The following TMED8 variants were observed in gnomAD, a reference collection of about 807,000 sequenced individuals.
The protein encoded by TMED8 is transmembrane p24 trafficking protein family member 8, also known as protein TMED8.
A neutral mutation model predicts 32.7 loss-of-function variants in TMED8; 15 were observed. The observed-to-expected ratio is 0.46, with a 90% CI of 0.31 to 0.71. The LOEUF (loss-of-function observed/expected upper bound fraction) is 0.71, where lower values mean the gene tolerates loss of function less well. TMED8 is among the 30% of genes least tolerant of loss of function. TMED8 has a pLI of 0.06. For missense variants in TMED8, 390 were observed against 423.9 expected (o/e 0.92, Z 0.70); for synonymous variants, 147 against 161.4 (o/e 0.91, Z 0.68).
At position 77,343,204 on chromosome 14, in the gene TMED8, T is replaced by C. The variant is rs1205541959; in HGVS notation, c.734A>G (p.Glu245Gly). The stretch of plus-strand genomic sequence containing the variant: ...TTCAATCTCTTCCTCCTCTTCCTCT[T>C]CTTCATCCTCATCGTCACTGGAATC... ...VSDSSDDEDE[E>G]EEEEEEIEEP... The change falls in exon 5 of 6, where the codon GAA becomes GGA. Residue 245 changes from glutamate to glycine, a missense_variant. Transcript: ENST00000216468. 1 of 1,614,126 alleles carries C rather than the reference T, an allele frequency of 6.2e-7. No individual in the cohort carries two copies. Among genetic ancestry groups the C allele is most frequent in the East Asian group, 2.2e-5 (1 of 44,880 alleles).
chr14:77,367,240 T>TA (rs56707120), intron 1 of TMED8, among the ~76,000 whole-genome samples: 2,935 of 24,870 alleles, frequency 0.12, 324 homozygotes, highest in Non-Finnish European at 0.16. Context: ...AGACTCTGTC[T>TA]AAAAAAAAAA....
intron 2 of TMED8, among the ~76,000 whole-genome samples, chr14:77,346,760 G>GTTTTTTTTTTTTTTTTTTTTTTTTTTT: frequency 2.9e-5 from 2 of 69,442 alleles, no homozygotes; most frequent in Non-Finnish European, 5.3e-5. Context: ...TGCTGGTCTG[G>GTTTTTTTTTTTTTTTTTTTTTTTTTTT]TTTTTTTTTT....
chr14:77,343,185 C>G lies in TMED8; in HGVS notation c.753G>C (p.Glu251Asp). Residue 251 changes from glutamate (E) to aspartate (D), a missense_variant, in exon 5 of 6, where the codon GAG (glutamate) becomes GAC (aspartate). Glu to Asp is a conservative substitution (Grantham distance 45). Coordinates refer to ENST00000216468, the MANE Select transcript of TMED8 (RefSeq NM_213601.3). ...GGTTAAAATTAAATTTACCTTCAAT[C>G]TCTTCCTCCTCTTCCTCTTCTTCAT... ...DEDEEEEEEEEIEEPVPAGDV... is the reference protein window; with the variant it reads ...DEDEEEEEEEDIEEPVPAGDV... 1.2e-6 allele frequency: 2 copies of G among 1,612,210 alleles called. No homozygotes were observed. Among genetic ancestry groups the G allele is most frequent in the Non-Finnish European group, 1.7e-6 (2 of 1,178,488 alleles).
rs369675632 is a variant in TMED8, at chr14:77,370,704, G to GT, written c.118+6231dup. On this transcript the variant is annotated intron_variant, in intron 1 of 5. Transcript: ENST00000216468. ...AAAGCAATCAATGTTATTTGGTTTT[G>GT]TGTAGTCTTCCAAAGATGTTTTATG... is the stretch of plus-strand genomic sequence containing the variant. 3.2e-3 allele frequency among the ~76,000 whole-genome samples: 479 copies of GT among 151,888 alleles called. 4 individuals carry two copies. The highest frequency in any genetic ancestry group is 0.011 in the African/African-American group (453 of 41,442).
At chr14:77,350,778 T>C (rs1350475711) in intron 2 of TMED8, among the ~76,000 whole-genome samples, 2 of 152,178 alleles carry the variant, frequency 1.3e-5, no homozygotes, top group African/African-American at 4.8e-5. Flanking sequence ...CCTACCGTGC[T>C]CCAGCCTGGG....
In TMED8 at chr14:77,376,866, A is replaced by C. The variant is rs1566698281; in HGVS notation, c.118+70T>G. Reference sequence around the variant, plus strand: ...GGAAGCCCAGGACAGAGCGCGGCGGAGGCTCGCGCCGTGGTGCGGGGCCCT... The same window carrying C: ...GGAAGCCCAGGACAGAGCGCGGCGGCGGCTCGCGCCGTGGTGCGGGGCCCT... On this transcript the variant is annotated intron_variant, in intron 1 of 5. Coordinates refer to ENST00000216468, the MANE Select transcript of TMED8 (RefSeq NM_213601.3). The surrounding 1 kb of genome is among the most constrained non-coding windows in gnomAD (Gnocchi z 4.0). The C allele has an allele frequency of 2.0e-6, 2 of 1,006,606 alleles. No individual in the cohort carries two copies. The highest frequency in any genetic ancestry group is 1.3e-6 in the Non-Finnish European group (1 of 752,734). 62.4% of individuals were successfully genotyped at this position (1,006,606 alleles called of 1,614,324 possible).
intron 2 of TMED8, among the ~76,000 whole-genome samples, chr14:77,348,370 C>T (rs1319351014): frequency 6.6e-6 from 1 of 151,920 alleles, no homozygotes; most frequent in African/African-American, 2.4e-5. Context: ...CTACAGGCGC[C>T]GGCCACCACA....
rs1025461061 is a variant in TMED8 at position 77,338,180 on chromosome 14, C to T, written c.*3591G>A. On this transcript the variant is annotated 3_prime_UTR_variant, in exon 6 of 6. Coordinates refer to ENST00000216468, the MANE Select transcript of TMED8 (RefSeq NM_213601.3). ...TGGCAATAAAATACCAAATCCCAAC[C>T]TGACTCTGGTATAGCATCACATGAC... is the stretch of plus-strand genomic sequence containing the variant. 5 of 152,158 alleles carry T rather than the reference C, an allele frequency of 3.3e-5. No individual in the cohort carries two copies. The highest frequency in any genetic ancestry group is 9.7e-5 in the African/African-American group (4 of 41,418). The allele number at this position is 152,158 out of a possible 1,614,324, so 9.4% of individuals were successfully genotyped here.
Position 77,343,417 on chromosome 14 carries a change from T to G in TMED8, c.521A>C (p.Lys174Thr). 2 of 1,614,006 alleles carry G rather than the reference T, an allele frequency of 1.2e-6. No homozygotes were observed. Among genetic ancestry groups the G allele is most frequent in the Non-Finnish European group, 1.7e-6 (2 of 1,179,930 alleles). ...ACGGCTGTTCTTCTCTTTGCCCAGC[T>G]TGCTTTTGAATTCCTTCACCTTGGC... ...TFAKVKEFKS[K>T]LGKEKNSRLV... The change falls in exon 5 of 6, where the codon AAG becomes ACG. Residue 174 changes from lysine to threonine, a missense_variant. Transcript: ENST00000216468.
At chr14:77,365,886 G>A (rs970859328) in intron 1 of TMED8, among the ~76,000 whole-genome samples, 6 of 152,088 alleles carry the variant, frequency 3.9e-5, no homozygotes, top group Admixed American at 3.9e-4. Flanking sequence ...TGGATTTTAC[G>A]AGATCAGATA....
chr14:77,367,143 G>A (rs1893568444), intron 1 of TMED8, among the ~76,000 whole-genome samples: 1 of 150,846 alleles, frequency 6.6e-6, no homozygotes, highest in Non-Finnish European at 1.5e-5. Flanking sequence ...TTGGGAGGCT[G>A]GGGCAGGAGA....
At chr14:77,348,143 G>A (rs1233709657) in intron 2 of TMED8, among the ~76,000 whole-genome samples, 1 of 151,962 alleles carries the variant, frequency 6.6e-6, no homozygotes, top group East Asian at 1.9e-4. Flanking sequence ...TTGTTTTTAA[G>A]TAAAAACATG....
chr14:77,374,498 G>A (rs1240523570), intron 1 of TMED8, among the ~76,000 whole-genome samples: 1 of 152,190 alleles, frequency 6.6e-6, no homozygotes, highest in Non-Finnish European at 1.5e-5. Flanking sequence ...GTTGTGACGA[G>A]CAAAAATGTT....
At chr14:77,344,176 C>T (rs55891221) in intron 3 of TMED8, among the ~76,000 whole-genome samples, 2,716 of 152,306 alleles carry the variant, frequency 0.018, 44 homozygotes, top group Middle Eastern at 0.078. Flanking sequence ...CTCACCTGCA[C>T]AGTACCTCCC....
At position 77,343,709 on chromosome 14, in the gene TMED8, C is replaced by T; in HGVS notation, c.442G>A (p.Asp148Asn). ...ADLESADLLG[D>N]HRKVSPPLMA... ...CCAAAGGTCTCACCTTTCCTGTGGT[C>T]CCCCAGAAGATCTGCAGATTCCAAA... The change falls in exon 4 of 6, where the codon GAC becomes AAC. Residue 148 changes from aspartate (D) to asparagine (N), a missense_variant. Transcript: ENST00000216468. The T allele has an allele frequency of 1.4e-5, 23 of 1,614,164 alleles. No individual in the cohort carries two copies. The highest frequency in any genetic ancestry group is 1.9e-5 in the Non-Finnish European group (22 of 1,180,040).
chr14:77,364,858 C>T (rs1164114011), intron 1 of TMED8, among the ~76,000 whole-genome samples: 1 of 152,158 alleles, frequency 6.6e-6, no homozygotes, highest in Non-Finnish European at 1.5e-5. Context: ...ACCATTTCCC[C>T]ACATTCTCAC....
chr14:77,353,785 T>C (rs1445805530), intron 1 of TMED8, among the ~76,000 whole-genome samples: 1 of 152,054 alleles, frequency 6.6e-6, no homozygotes, highest in Non-Finnish European at 1.5e-5. Context: ...TTTGGGTCAA[T>C]TCAGTCTCAC....
chr14:77,359,233 A>G (rs1420000667), intron 1 of TMED8, among the ~76,000 whole-genome samples: 1 of 152,192 alleles, frequency 6.6e-6, no homozygotes, highest in African/African-American at 2.4e-5. Context: ...ATCACTTAAC[A>G]ACACAGCCTA....
chr14:77,354,625 T>C (rs1193196038), intron 1 of TMED8, among the ~76,000 whole-genome samples: 1 of 152,052 alleles, frequency 6.6e-6, no homozygotes, highest in Non-Finnish European at 1.5e-5. Flanking sequence ...GTAACCCCAC[T>C]AACCAAAGAT....
Sources: gnomAD v4.1 joint callset for allele counts (sites outside exome capture counted in the v4.1 genomes callset) on GRCh38, gnomAD v4.1.1 for gene constraint, Gnocchi (gnomAD v3.1) non-coding constraint, MANE v1.5 for transcripts, NCBI Gene and HGNC (gene_info 2026-07-23, HGNC 2026-07-21) for gene names.